Variants in KANK4 observed in about 807,000 individuals in gnomAD.
The protein encoded by KANK4 is KN motif and ankyrin repeat domain-containing protein 4.
KANK4 carries 50 observed loss-of-function variants against 80.8 expected under a neutral mutation model. The observed-to-expected ratio is 0.62, with a 90% CI of 0.49 to 0.78. The LOEUF (loss-of-function observed/expected upper bound fraction) is 0.78, where lower values mean the gene tolerates loss of function less well. KANK4 is among the 30% of genes least tolerant of loss of function. KANK4 has a pLI of 0.00. For synonymous variants in KANK4, 465 were observed against 506.9 expected (o/e 0.92, Z 1.11); for missense variants, 1,196 against 1,240.1 (o/e 0.96, Z 0.53).
chr1:62,266,928 C>A, intron 5 of KANK4, 109 bp from the exon 6 acceptor site: 1 of 679,068 alleles, frequency 1.5e-6, no homozygotes, highest in Non-Finnish European at 2.5e-6. Flanking sequence ...AAAATCCAAA[C>A]TGGGCAACTG....
chr1:62,285,655 G>A (rs994717499), intron 1 of KANK4, among the ~76,000 whole-genome samples: 2 of 152,102 alleles, frequency 1.3e-5, no homozygotes, highest in Non-Finnish European at 2.9e-5. Flanking sequence ...TCAAGTCTCA[G>A]CCTCATTGCC....
At chr1:62,249,370 A>C (rs1271237532) in intron 8 of KANK4, among the ~76,000 whole-genome samples, 2 of 150,582 alleles carry the variant, frequency 1.3e-5, no homozygotes, top group Non-Finnish European at 3.0e-5. Context: ...GTGTGTATAT[A>C]TATATATACA....
At chr1:62,284,085 T>C (rs1238965044) in intron 1 of KANK4, among the ~76,000 whole-genome samples, 1 of 152,084 alleles carries the variant, frequency 6.6e-6, no homozygotes, top group Admixed American at 6.6e-5. Context: ...GAGGGATCTG[T>C]CGTGTGCACA....
intron 1 of KANK4, among the ~76,000 whole-genome samples, chr1:62,303,008 A>C (rs1360864083): frequency 1.3e-5 from 2 of 152,082 alleles, no homozygotes; most frequent in African/African-American, 4.8e-5. Context: ...AGATGGAGAA[A>C]AACAGCAAGG....
rs146990061 is a variant in KANK4, at chr1:62,249,853, A to T, written c.2683-2181T>A. Among the ~76,000 whole-genome samples, 14 of 151,226 alleles carry T rather than the reference A, an allele frequency of 9.3e-5. No homozygotes were observed. In the East Asian group the frequency reaches 2.8e-3, roughly 30 times the overall value. ...CCACCGCACCCAGCACATCTGGTCA[A>T]TTTTTGTATTTTTTGTAGTGATGGG... is the stretch of plus-strand genomic sequence containing the variant. On this transcript the variant is annotated intron_variant, in intron 8 of 9. Coordinates refer to ENST00000371153, the MANE Select transcript of KANK4 (RefSeq NM_181712.5).
chr1:62,314,250 G>C (rs1201117261), intron 1 of KANK4, among the ~76,000 whole-genome samples: 1 of 152,122 alleles, frequency 6.6e-6, no homozygotes, highest in South Asian at 2.1e-4. Context: ...CTGACCTCAG[G>C]TGATTGGCCT....
At chr1:62,278,398 T>TTTC (rs1557493622) in intron 2 of KANK4, among the ~76,000 whole-genome samples, 2 of 67,710 alleles carry the variant, frequency 3.0e-5, no homozygotes, top group Non-Finnish European at 4.9e-5. Context: ...TCTTTCTTTC[T>TTTC]TTTTTTTTTT....
At chr1:62,276,785 A>C (rs1008445484) in intron 2 of KANK4, among the ~76,000 whole-genome samples, 1 of 151,968 alleles carries the variant, frequency 6.6e-6, no homozygotes, top group Non-Finnish European at 1.5e-5. Context: ...CTCAAAAATA[A>C]GACTATTGTG....
rs1244944315 is a variant in KANK4, at chr1:62,268,820, G to A, written c.2013-315C>T. Among the ~76,000 whole-genome samples the A allele has an allele frequency of 5.3e-5, 8 of 152,310 alleles. No individual in the cohort carries two copies. In the South Asian group the frequency reaches 6.2e-4, roughly 12 times the overall value. On this transcript the variant is annotated intron_variant, in intron 4 of 9. Coordinates refer to ENST00000371153, the MANE Select transcript of KANK4 (RefSeq NM_181712.5). ...TGTCCCCTCACTGGCTGATGCGTTC[G>A]GTGATCTAGACAGGCCATCCAGCGT...
Position 62,257,536 on chromosome 1 carries a change from GA to G in KANK4, c.2540-4328del, listed in dbSNP as rs1318892236. On this transcript the variant is annotated intron_variant, in intron 7 of 9. Coordinates refer to ENST00000371153, the MANE Select transcript of KANK4 (RefSeq NM_181712.5). ...AGGGCATTTGGCAAAATAAAGGACG[GA>G]TCACTTGGGGTTGAGCCGGCAGAGG... Among the ~76,000 whole-genome samples, 3 of 152,222 alleles carry G rather than the reference GA, an allele frequency of 2.0e-5. No homozygotes were observed. The East Asian group carries it at 5.8e-4, about 29-fold the overall frequency.
rs1482282765 is a variant in KANK4, at chr1:62,307,623, C to T, written c.-71+11483G>A. ...TTCTGAGAACATTGTAATAACTCCA[C>T]AGTAAGCTTATGGCAGAGATTTCAG... On this transcript the variant is annotated intron_variant, in intron 1 of 9. Transcript: ENST00000371153. Among the ~76,000 whole-genome samples, 4 of 152,278 alleles carry T rather than the reference C, an allele frequency of 2.6e-5. No individual in the cohort carries two copies. In the East Asian group the frequency reaches 7.7e-4, roughly 29 times the overall value.
At chr1:62,258,252 G>T (rs1386365509) in intron 7 of KANK4, among the ~76,000 whole-genome samples, 1 of 152,212 alleles carries the variant, frequency 6.6e-6, no homozygotes, top group African/African-American at 2.4e-5. Context: ...ACTAAGCCCA[G>T]TGTCTGGGAT....
intron 6 of KANK4, 23 bp downstream of exon 6, chr1:62,266,709 A>G: frequency 6.6e-7 from 1 of 1,509,192 alleles, no homozygotes. Context: ...AAATCTTTAC[A>G]TGACAATGAA....
chr1:62,276,968 G>C (rs983316912), intron 2 of KANK4, among the ~76,000 whole-genome samples: 1 of 152,162 alleles, frequency 6.6e-6, no homozygotes, highest in African/African-American at 2.4e-5. Context: ...TGATTGCTTG[G>C]TTTTAAGGGT....
intron 9 of KANK4, among the ~76,000 whole-genome samples, chr1:62,239,090 AC>A (rs1329454997): frequency 7.1e-6 from 1 of 141,390 alleles, no homozygotes; most frequent in Non-Finnish European, 1.5e-5. Flanking sequence ...AATTTTTTAA[AC>A]CTGTCTCACT....
At chr1:62,287,099 G>A (rs899090344) in intron 1 of KANK4, among the ~76,000 whole-genome samples, 2 of 152,162 alleles carry the variant, frequency 1.3e-5, no homozygotes, top group African/African-American at 4.8e-5. Context: ...AGGTTTCAGA[G>A]TGTCCCGGGC....
Position 62,253,094 on chromosome 1 carries a change from T to C in KANK4, c.2655A>G (p.Glu885=). The change falls in exon 8 of 10, where the codon GAA becomes GAG. Residue 885 remains glutamate (E), a synonymous_variant. Coordinates refer to ENST00000371153, the MANE Select transcript of KANK4 (RefSeq NM_181712.5). ...DMAVVWKLLR[E]GNVNIQATQG... ...GAGTAGCTTGAATGTTCACATTTCC[T>C]TCTCTTAAGAGCTTCCAGACAACAG... is the stretch of plus-strand genomic sequence containing the variant. 1 of 1,614,046 alleles carries C rather than the reference T, an allele frequency of 6.2e-7. No individual in the cohort carries two copies. Among genetic ancestry groups the C allele is most frequent in the Middle Eastern group, 1.7e-4 (1 of 6,050 alleles).
chr1:62,301,655 C>T (rs1034107553), intron 1 of KANK4, among the ~76,000 whole-genome samples: 6 of 151,966 alleles, frequency 3.9e-5, no homozygotes, highest in African/African-American at 1.2e-4. Context: ...CTGCGCCCAC[C>T]GCCTCTACTG....
At chr1:62,316,208 C>G (rs924565416) in intron 1 of KANK4, among the ~76,000 whole-genome samples, 1 of 152,266 alleles carries the variant, frequency 6.6e-6, no homozygotes, top group Admixed American at 6.5e-5. Flanking sequence ...CTGTGAAGCA[C>G]AAGTGACCCT....
Sources: gnomAD v4.1 joint callset for allele counts (sites outside exome capture counted in the v4.1 genomes callset) on GRCh38, gnomAD v4.1.1 for gene constraint, MANE v1.5 for transcripts, NCBI Gene and HGNC (gene_info 2026-07-23, HGNC 2026-07-21) for gene names.